The following ST7 variants were observed in gnomAD, a reference collection of about 807,000 sequenced individuals.
ST7 encodes suppression of tumorigenicity 7.
ST7 carries 28 observed loss-of-function variants against 78.7 expected under a neutral mutation model. The observed-to-expected ratio is 0.36, with a 90% CI of 0.26 to 0.49. The LOEUF (loss-of-function observed/expected upper bound fraction) is 0.49, where lower values mean the gene tolerates loss of function less well. Among genes scored for constraint, ST7 ranks in the 20% least tolerant of loss-of-function variants. The pLI is 0.99. For missense variants in ST7, 418 were observed against 696.0 expected (o/e 0.60, Z 4.49); for synonymous variants, 247 against 249.6 (o/e 0.99, Z 0.10).
At chr7:117,210,056 T>G (rs756896452) in intron 13 of ST7, 119 bp downstream of exon 13, 43 of 1,233,844 alleles carry the variant, frequency 3.5e-5, no homozygotes, top group Non-Finnish European at 4.6e-5. Context: ...TGTTCTGTGA[T>G]GGCCCATCTA....
intron 2 of ST7, among the ~76,000 whole-genome samples, chr7:117,114,755 T>C (rs1006046346): frequency 1.3e-5 from 2 of 152,204 alleles, no homozygotes; most frequent in African/African-American, 4.8e-5. Context: ...AATATGCAAT[T>C]CAAAAGAAGA....
intron 1 of ST7, 148 bp from the exon 2 acceptor site, chr7:117,099,614 T>A (rs1801413466): frequency 5.1e-6 from 3 of 589,028 alleles, no homozygotes; most frequent in Non-Finnish European, 8.8e-6. Context: ...TAATGGTGAA[T>A]CATTTTAATG....
chr7:117,123,397 T>C (rs1307252592), intron 3 of ST7, among the ~76,000 whole-genome samples: 3 of 152,158 alleles, frequency 2.0e-5, no homozygotes, highest in African/African-American at 7.2e-5. Flanking sequence ...TTTAAACTTC[T>C]GGATTTGTAC....
At chr7:117,059,912 G>A (rs1187869047) in intron 1 of ST7, among the ~76,000 whole-genome samples, 1 of 151,884 alleles carries the variant, frequency 6.6e-6, no homozygotes, top group Non-Finnish European at 1.5e-5. Flanking sequence ...GATCTCAGGA[G>A]GTTGAGGCTG....
intron 2 of ST7, among the ~76,000 whole-genome samples, chr7:117,103,032 G>A (rs1469407871): frequency 6.6e-6 from 1 of 151,876 alleles, no homozygotes; most frequent in African/African-American, 2.4e-5. Context: ...AAAAGTGAAA[G>A]ATGCATACAA....
intron 3 of ST7, among the ~76,000 whole-genome samples, chr7:117,128,107 C>T (rs1362137256): frequency 1.3e-5 from 2 of 151,774 alleles, no homozygotes; most frequent in Non-Finnish European, 2.9e-5. Flanking sequence ...ATAATTCTAC[C>T]ACGAGGATCC....
At chr7:116,979,919 A>G (rs2116318830) in intron 1 of ST7, among the ~76,000 whole-genome samples, 2 of 148,104 alleles carry the variant, frequency 1.4e-5, no homozygotes, top group South Asian at 4.4e-4. Flanking sequence ...TATTATATTT[A>G]TCATGCTCAT....
chr7:117,030,438 A>G (rs1233080837), intron 1 of ST7, among the ~76,000 whole-genome samples: 1 of 152,224 alleles, frequency 6.6e-6, no homozygotes, highest in Non-Finnish European at 1.5e-5. Context: ...GTTGTCATGA[A>G]GAAGTCTTTT....
chr7:116,998,049 G>A (rs529187106), intron 1 of ST7, among the ~76,000 whole-genome samples: 13 of 152,344 alleles, frequency 8.5e-5, no homozygotes, highest in African/African-American at 2.6e-4. Flanking sequence ...AGCGGGGCGC[G>A]GTGCTTGTCG....
At chr7:117,081,918 T>A (rs2116616482) in intron 1 of ST7, among the ~76,000 whole-genome samples, 1 of 145,028 alleles carries the variant, frequency 6.9e-6, no homozygotes, top group South Asian at 2.2e-4. Flanking sequence ...AGAGAGGCAA[T>A]GAGTTGGGTT....
intron 13 of ST7, among the ~76,000 whole-genome samples, chr7:117,212,373 C>T (rs1019605395): frequency 3.3e-5 from 5 of 152,240 alleles, no homozygotes; most frequent in African/African-American, 1.2e-4. Context: ...GGTCACTTTT[C>T]CTTCACTGTA....
chr7:117,150,557 C>T (rs529700790), intron 9 of ST7, among the ~76,000 whole-genome samples: 59 of 152,144 alleles, frequency 3.9e-4, no homozygotes, highest in Non-Finnish European at 6.3e-4. Context: ...TCCATCTGCT[C>T]CTTCTCCATC....
Position 116,976,394 on chromosome 7 carries a change from G to A in ST7, c.151+22703G>A, listed in dbSNP as rs888938113. Among the ~76,000 whole-genome samples the A allele has an allele frequency of 5.3e-5, 8 of 152,296 alleles. No homozygotes were observed. The East Asian group carries it at 1.2e-3, about 22-fold the overall frequency. The stretch of plus-strand genomic sequence containing the variant: ...GATTGCAACAAAAATTAGCTGGGCA[G>A]GATTCTGGACTTCAGGCACTGAGCT... On this transcript the variant is annotated intron_variant, in intron 1 of 15. Coordinates refer to ENST00000323984, the MANE Select transcript of ST7 (RefSeq NM_001369598.1).
At chr7:117,191,050 A>G in intron 12 of ST7, 114 bp downstream of exon 12, 1 of 808,252 alleles carries the variant, frequency 1.2e-6, no homozygotes, top group Non-Finnish European at 2.0e-6. Context: ...GCAACCAACA[A>G]ATGTTGAGAC....
intron 3 of ST7, among the ~76,000 whole-genome samples, chr7:117,126,419 A>G (rs915814388): frequency 2.6e-5 from 4 of 151,898 alleles, no homozygotes; most frequent in Non-Finnish European, 5.9e-5. Context: ...CAAAGGGAAA[A>G]GTCTGTGGTT....
At chr7:116,981,371 A>G (rs1403376149) in intron 1 of ST7, among the ~76,000 whole-genome samples, 2 of 152,162 alleles carry the variant, frequency 1.3e-5, no homozygotes, top group African/African-American at 4.8e-5. Context: ...CGGCCTCCCA[A>G]AATGCCAGGA....
intron 2 of ST7, among the ~76,000 whole-genome samples, chr7:117,116,936 C>T (rs1018873677): frequency 1.3e-5 from 2 of 152,040 alleles, no homozygotes; most frequent in Non-Finnish European, 2.9e-5. Context: ...GTTTTTATAA[C>T]TAGGAAAGCA....
intron 1 of ST7, among the ~76,000 whole-genome samples, chr7:117,059,748 A>G (rs1053479934): frequency 2.0e-5 from 3 of 148,602 alleles, no homozygotes; most frequent in African/African-American, 7.6e-5. Flanking sequence ...AAGTGGGAGA[A>G]TCACTTGAGC....
chr7:117,050,565 A>G (rs1050055041), intron 1 of ST7, among the ~76,000 whole-genome samples: 1 of 152,218 alleles, frequency 6.6e-6, no homozygotes, highest in Non-Finnish European at 1.5e-5. Flanking sequence ...TGTATATTTT[A>G]TGGTAGTGAA....
Sources: allele counts gnomAD v4.1 joint callset (sites outside exome capture counted in the v4.1 genomes callset), GRCh38; gene constraint gnomAD v4.1.1; transcripts MANE v1.5; gene names NCBI Gene and HGNC (gene_info 2026-07-23, HGNC 2026-07-21).